NUCKS1: variants seen among roughly 807,000 people sequenced by gnomAD.
NUCKS1 encodes the protein nuclear ubiquitous casein and cyclin-dependent kinase substrate 1.
NUCKS1 carries 2 observed loss-of-function variants against 33.0 expected under a neutral mutation model. That is an observed-to-expected ratio of 0.06 (90% confidence interval 0.02 to 0.19). The LOEUF is 0.19. Ranked by LOEUF, NUCKS1 falls within the 10% of genes least tolerant of loss-of-function variation. The pLI, the probability that NUCKS1 is intolerant of heterozygous loss-of-function variation, is 1.00. For missense variants in NUCKS1, 201 were observed against 293.6 expected (o/e 0.68, Z 2.31); for synonymous variants, 106 against 102.8 (o/e 1.03, Z -0.19).
At position 205,715,899 on chromosome 1, in the gene NUCKS1, G is replaced by C. The variant is rs935359382; in HGVS notation, c.*2381C>G. The C allele has an allele frequency of 1.3e-5, 2 of 152,200 alleles. No homozygotes were observed. The highest frequency in any genetic ancestry group is 6.5e-5 in the Admixed American group (1 of 15,274). 9.4% of individuals were successfully genotyped at this position (152,200 alleles called of 1,614,324 possible). On this transcript the variant is annotated 3_prime_UTR_variant, in exon 7 of 7. Transcript: ENST00000367142. ...GACTATTGAGCACCTGTATCCAGTT[G>C]AGTCACCACCACTGTCCTCCTATTT...
chr1:205,739,997 G>GGTT (rs72254647), intron 1 of NUCKS1, among the ~76,000 whole-genome samples: 2 of 81,772 alleles, frequency 2.4e-5, no homozygotes, highest in Non-Finnish European at 4.4e-5. Flanking sequence ...TTTACTTTAG[G>GGTT]TTTTTTTTTT....
intron 1 of NUCKS1, among the ~76,000 whole-genome samples, chr1:205,745,496 A>G (rs1236962536): frequency 3.9e-5 from 6 of 152,222 alleles, no homozygotes. Flanking sequence ...TCCAAAAAAA[A>G]AAAGTATCTC....
chr1:205,727,789 T>G lies in NUCKS1; in HGVS notation c.84A>C (p.Arg28Ser). 6.2e-7 allele frequency: 1 copy of G among 1,610,240 alleles called. No homozygotes were observed. Among genetic ancestry groups the G allele is most frequent in the Non-Finnish European group, 8.5e-7 (1 of 1,177,156 alleles). The change falls in exon 3 of 7, where the codon AGA becomes AGC. Residue 28 changes from arginine (R) to serine (S), a missense_variant. Transcript: ENST00000367142. ...TTTTCTTAGTGGGAGGGCCCGAATC[T>G]CTTCCATAATCTTCATCTAAACAGT... ...ESDDADEDYG[R>S]DSGPPTKKIR...
At chr1:205,730,612 C>T (rs947120562) in intron 1 of NUCKS1, among the ~76,000 whole-genome samples, 2 of 151,994 alleles carry the variant, frequency 1.3e-5, no homozygotes, top group Non-Finnish European at 1.5e-5. Context: ...CTTCAGCCTC[C>T]CGAGTAGCTG....
Position 205,718,166 on chromosome 1 carries a change from A to G in NUCKS1, c.*114T>C. 11 of 1,396,540 alleles carry G rather than the reference A, an allele frequency of 7.9e-6. No individual in the cohort carries two copies. The highest frequency in any genetic ancestry group is 1.0e-5 in the Non-Finnish European group (11 of 1,081,874). 86.5% of individuals were successfully genotyped at this position (1,396,540 alleles called of 1,614,324 possible). On this transcript the variant is annotated 3_prime_UTR_variant, in exon 7 of 7. Coordinates refer to ENST00000367142, the MANE Select transcript of NUCKS1 (RefSeq NM_022731.5). Reference sequence around the variant, plus strand: ...AAAAAGCACTGAAAGCCCATGAGTCAAGCCATAGCCAAAACCATGTTCTAT... The same window carrying G: ...AAAAAGCACTGAAAGCCCATGAGTCGAGCCATAGCCAAAACCATGTTCTAT...
At position 205,714,581 on chromosome 1, in the gene NUCKS1, G is replaced by A. The variant is rs1388707222; in HGVS notation, c.*3699C>T. 6.6e-6 allele frequency: 1 copy of A among 152,104 alleles called. No individual in the cohort carries two copies. Among genetic ancestry groups the A allele is most frequent in the Non-Finnish European group, 1.5e-5 (1 of 68,008 alleles). The allele number at this position is 152,104 out of a possible 1,614,324, so 9.4% of individuals were successfully genotyped here. On this transcript the variant is annotated 3_prime_UTR_variant, in exon 7 of 7. Coordinates refer to ENST00000367142, the MANE Select transcript of NUCKS1 (RefSeq NM_022731.5). Reference sequence around the variant, plus strand: ...TTTACCCCAGACAAAGGGAAAACTGGTTGCGACTGAAACTTGGCTATAGAT... The same window carrying A: ...TTTACCCCAGACAAAGGGAAAACTGATTGCGACTGAAACTTGGCTATAGAT...
At position 205,716,704 on chromosome 1, in the gene NUCKS1, G is replaced by A. The variant is rs1161166385; in HGVS notation, c.*1576C>T. On this transcript the variant is annotated 3_prime_UTR_variant, in exon 7 of 7. Transcript: ENST00000367142. ...TAAAAGGCAGGAAAAAAAGGCAGAA[G>A]TTTAAATTTCACTAATTTTTCAATT... is the stretch of plus-strand genomic sequence containing the variant. 6.6e-6 allele frequency: 1 copy of A among 152,164 alleles called. No homozygotes were observed. Among genetic ancestry groups the A allele is most frequent in the East Asian group, 1.9e-4 (1 of 5,200 alleles). 9.4% of individuals were successfully genotyped at this position (152,164 alleles called of 1,614,324 possible). A position where few individuals can be genotyped will look rare whatever the true frequency, so the allele number is the denominator to read the frequency against.
At chr1:205,747,094 T>C (rs1654350909) in intron 1 of NUCKS1, among the ~76,000 whole-genome samples, 1 of 152,214 alleles carries the variant, frequency 6.6e-6, no homozygotes, top group African/African-American at 2.4e-5. Context: ...TTAAAAATGT[T>C]ACATACTATG....
intron 1 of NUCKS1, among the ~76,000 whole-genome samples, chr1:205,732,175 CTGTT>C (rs979539101): frequency 1.4e-4 from 21 of 152,184 alleles, no homozygotes; most frequent in Non-Finnish European, 2.6e-4. Flanking sequence ...GTTCCACCTT[CTGTT>C]TTTCTTTAGT....
chr1:205,744,672 G>A (rs1486276647), intron 1 of NUCKS1, among the ~76,000 whole-genome samples: 1 of 98,710 alleles, frequency 1.0e-5, no homozygotes, highest in Non-Finnish European at 1.9e-5. Flanking sequence ...CGCCCTTGTT[G>A]CCCAGGCTCC....
intron 1 of NUCKS1, among the ~76,000 whole-genome samples, chr1:205,738,899 G>A (rs1257625474): frequency 1.3e-5 from 2 of 152,110 alleles, no homozygotes; most frequent in Non-Finnish European, 2.9e-5. Context: ...GAGAGAGGGA[G>A]AACCTGTCTC....
chr1:205,736,486 T>C (rs1003345855), intron 1 of NUCKS1, among the ~76,000 whole-genome samples: 2 of 151,928 alleles, frequency 1.3e-5, no homozygotes, highest in African/African-American at 4.8e-5. Context: ...TAGAAGAGAA[T>C]GACTGAGAAC....
intron 1 of NUCKS1, among the ~76,000 whole-genome samples, chr1:205,746,225 G>A (rs1654320774): frequency 6.6e-6 from 1 of 152,028 alleles, no homozygotes; most frequent in Admixed American, 6.5e-5. Flanking sequence ...AACCCGGGAG[G>A]TGGAGGTTGC....
In NUCKS1 at chr1:205,726,692, G is replaced by A. The variant is rs147805701; in HGVS notation, c.173+1008C>T. ...ACAGACATGGTTTCATAACCTGTTTGTCCATTTGCTGGATAACTTTGGTTA... is the reference window on the plus strand; with the variant it reads ...ACAGACATGGTTTCATAACCTGTTTATCCATTTGCTGGATAACTTTGGTTA... On this transcript the variant is annotated intron_variant, in intron 3 of 6. Coordinates refer to ENST00000367142, the MANE Select transcript of NUCKS1 (RefSeq NM_022731.5). Among the ~76,000 whole-genome samples the A allele has an allele frequency of 1.2e-3, 189 of 152,292 alleles. 1 individual carries two copies. The highest frequency in any genetic ancestry group is 9.3e-3 in the Admixed American group (143 of 15,306).
In NUCKS1 at chr1:205,750,054, C is replaced by G. The variant is rs1355392242; in HGVS notation, c.-81G>C. On this transcript the variant is annotated 5_prime_UTR_variant, in exon 1 of 7. Transcript: ENST00000367142. ...CCCGCGCGCTCGGCGCCCCACCCCC[C>G]CCGAACTTCAGCCGATGGGACCGCT... 8 of 1,293,662 alleles carry G rather than the reference C, an allele frequency of 6.2e-6. No individual in the cohort carries two copies. Among genetic ancestry groups the G allele is most frequent in the Non-Finnish European group, 8.2e-6 (8 of 970,946 alleles). The allele number at this position is 1,293,662 out of a possible 1,614,324, so 80.1% of individuals were successfully genotyped here.
In NUCKS1 at chr1:205,750,138, C is replaced by T. The variant is rs548349700; in HGVS notation, c.-165G>A. On this transcript the variant is annotated 5_prime_UTR_variant, in exon 1 of 7. Coordinates refer to ENST00000367142, the MANE Select transcript of NUCKS1 (RefSeq NM_022731.5). ...TCCGCTGCTCTTTGGTTCAGGGCTC[C>T]TGGAACAGACGAGCCCCCCGCTCCC... 2.8e-6 allele frequency: 2 copies of T among 711,744 alleles called. No homozygotes were observed. Among genetic ancestry groups the T allele is most frequent in the African/African-American group, 1.8e-5 (1 of 56,200 alleles). The allele number at this position is 711,744 out of a possible 1,614,324, so 44.1% of individuals were successfully genotyped here.
At chr1:205,741,819 G>C (rs1391760617) in intron 1 of NUCKS1, among the ~76,000 whole-genome samples, 1 of 152,168 alleles carries the variant, frequency 6.6e-6, no homozygotes, top group Non-Finnish European at 1.5e-5. Flanking sequence ...GGTAGATGCA[G>C]AGTTTTGTGT....
chr1:205,747,008 T>G (rs746211060), intron 1 of NUCKS1, among the ~76,000 whole-genome samples: 14 of 152,212 alleles, frequency 9.2e-5, no homozygotes, highest in South Asian at 2.1e-4. Context: ...ATCTGAGCTT[T>G]CTTTCTCACC....
rs1425021238 is a variant in NUCKS1 at position 205,716,118 on chromosome 1, GCACA to G, written c.*2158_*2161del. ...CCCTAAACAAGAAGCCCAATCAAAT[GCACA>G]CAAGTAATCTAGAAGACATGATTAC... On this transcript the variant is annotated 3_prime_UTR_variant, in exon 7 of 7. Coordinates refer to ENST00000367142, the MANE Select transcript of NUCKS1 (RefSeq NM_022731.5). The G allele has an allele frequency of 1.3e-5, 2 of 152,242 alleles. No homozygotes were observed. Among genetic ancestry groups the G allele is most frequent in the South Asian group, 2.1e-4 (1 of 4,820 alleles). 9.4% of individuals were successfully genotyped at this position (152,242 alleles called of 1,614,324 possible).
Sources: gnomAD v4.1 joint callset for allele counts (sites outside exome capture counted in the v4.1 genomes callset) on GRCh38, gnomAD v4.1.1 for gene constraint, MANE v1.5 for transcripts, NCBI Gene and HGNC (gene_info 2026-07-23, HGNC 2026-07-21) for gene names.